DNAJC2: variants seen among roughly 807,000 people sequenced by gnomAD.
DNAJC2 encodes the protein dnaJ homolog subfamily C member 2.
Under a neutral mutation model 94.0 loss-of-function variants are expected in DNAJC2, and 32 were observed. The ratio of observed to expected loss-of-function variants is 0.34; its 90% CI spans 0.26 to 0.46. The LOEUF (loss-of-function observed/expected upper bound fraction) is 0.46. Among genes scored for constraint, DNAJC2 ranks in the 20% least tolerant of loss-of-function variants. The pLI is 1.00. For missense variants in DNAJC2, 550 were observed against 719.5 expected, an observed-to-expected ratio of 0.76 and a Z score of 2.69; for synonymous variants, 210 against 229.7, an observed-to-expected ratio of 0.91 and a Z score of 0.77.
chr7:103,341,613 A>G (rs1819376578), intron 2 of DNAJC2, 151 bp downstream of exon 2: 1 of 576,174 alleles, frequency 1.7e-6, no homozygotes, highest in African/African-American at 1.9e-5. Flanking sequence ...GGCTAGTGCT[A>G]ATGCTCTCAA....
At position 103,329,283 on chromosome 7, in the gene DNAJC2, A is replaced by G. The variant is rs557819611; in HGVS notation, c.332-1529T>C. 2.6e-4 allele frequency: 49 copies of G among 187,540 alleles called. 2 individuals carry two copies. In the South Asian group the frequency reaches 4.4e-3, roughly 17 times the overall value. The allele number at this position is 187,540 out of a possible 1,614,324, so 11.6% of individuals were successfully genotyped here. A position where few individuals can be genotyped will look rare whatever the true frequency, so the allele number is the denominator to read the frequency against. On this transcript the variant is annotated intron_variant, in intron 3 of 16. Coordinates refer to ENST00000379263, the MANE Select transcript of DNAJC2 (RefSeq NM_014377.3). ...AGTGCTATTGCTGTCTCCATTTCAT[A>G]GATGAGGAAAATGAGGCACAGAGGA...
chr7:103,319,779 A>G lies in DNAJC2; in HGVS notation c.1149T>C (p.Leu383=), dbSNP rs908137685. Residue 383 remains leucine (L), a synonymous_variant, in exon 11 of 17, where the codon CTT becomes CTC. Coordinates refer to ENST00000379263, the MANE Select transcript of DNAJC2 (RefSeq NM_014377.3). ...RVKMMEEVEK[L]CDRLELASLQ... is the part of the protein sequence containing the mutation. ...ACCTTGCCAGTTCAAGCCGATCACAAAGTTTTTCCACTTCTTCCATCATTT... is the reference window on the plus strand; with the variant it reads ...ACCTTGCCAGTTCAAGCCGATCACAGAGTTTTTCCACTTCTTCCATCATTT... 1.9e-6 allele frequency: 3 copies of G among 1,614,104 alleles called. No individual in the cohort carries two copies. Among genetic ancestry groups the G allele is most frequent in the Admixed American group, 3.3e-5 (2 of 60,006 alleles).
At chr7:103,331,744 A>G (rs1173900040) in intron 3 of DNAJC2, among the ~76,000 whole-genome samples, 6 of 152,038 alleles carry the variant, frequency 3.9e-5, no homozygotes, top group Non-Finnish European at 7.4e-5. Flanking sequence ...TTCTTTATCA[A>G]CTAGTCTGCT....
intron 3 of DNAJC2, chr7:103,329,089 AT>A (rs1257949212): frequency 1.6e-5 from 14 of 886,634 alleles, no homozygotes; most frequent in East Asian, 7.4e-5. Flanking sequence ...GTGGTCAACA[AT>A]TTTTTTGTTT....
Position 103,327,770 on chromosome 7 carries a change from G to A in DNAJC2, c.332-16C>T. 2 of 1,571,412 alleles carry A rather than the reference G, an allele frequency of 1.3e-6. No individual in the cohort carries two copies. Among genetic ancestry groups the A allele is most frequent in the Non-Finnish European group, 1.7e-6 (2 of 1,147,210 alleles). On this transcript the variant is annotated splice_polypyrimidine_tract_variant and intron_variant, in intron 3 of 16. Coordinates refer to ENST00000379263, the MANE Select transcript of DNAJC2 (RefSeq NM_014377.3). ...ATTGCTTTATCTACAAAACCAGTCA[G>A]ATTGAGATAATTTGTCACTTTAAGC...
At position 103,324,504 on chromosome 7, in the gene DNAJC2, C is replaced by T. The variant is rs2115907817; in HGVS notation, c.631G>A (p.Val211Ile). 1.3e-6 allele frequency: 2 copies of T among 1,496,366 alleles called. No homozygotes were observed. The highest frequency in any genetic ancestry group is 4.8e-5 in the East Asian group (2 of 41,572). The allele number at this position is 1,496,366 out of a possible 1,614,324, so 92.7% of individuals were successfully genotyped here. The change falls in exon 6 of 17, where the codon GTA (valine) becomes ATA (isoleucine). Residue 211 changes from valine (V) to isoleucine (I), a missense_variant. Transcript: ENST00000379263. ...LGDMNSSFED[V>I]DIFYSFWYNF... ...TACCAGAAAGAATAAAATATATCTA[C>T]ATCTTCAAATGATGAATTCATATCA...
intron 3 of DNAJC2, among the ~76,000 whole-genome samples, chr7:103,332,233 C>G (rs1819006310): frequency 6.6e-6 from 1 of 152,198 alleles, no homozygotes; most frequent in Admixed American, 6.5e-5. Flanking sequence ...TCTCGATCTC[C>G]TGACCTCATG....
intron 3 of DNAJC2, chr7:103,336,311 T>G (rs1338214154): frequency 6.6e-6 from 1 of 152,238 alleles, no homozygotes; most frequent in Non-Finnish European, 1.5e-5. Flanking sequence ...ATTAACAAAT[T>G]TATCTGTACT....
intron 3 of DNAJC2, among the ~76,000 whole-genome samples, chr7:103,333,272 C>G (rs796309952): frequency 1.6e-4 from 24 of 152,262 alleles, no homozygotes; most frequent in Admixed American, 5.9e-4. Flanking sequence ...TGAATTTCCA[C>G]CTTATCTTTT....
chr7:103,322,093 G>A lies in DNAJC2; in HGVS notation c.934-12C>T. 1 of 1,592,106 alleles carries A rather than the reference G, an allele frequency of 6.3e-7. No individual in the cohort carries two copies. Among genetic ancestry groups the A allele is most frequent in the Non-Finnish European group, 8.5e-7 (1 of 1,170,006 alleles). On this transcript the variant is annotated splice_polypyrimidine_tract_variant and intron_variant, in intron 9 of 16. Coordinates refer to ENST00000379263, the MANE Select transcript of DNAJC2 (RefSeq NM_014377.3). The stretch of plus-strand genomic sequence containing the variant: ...TCAGCTTGTCTTTGCTTTAAAAAAA[G>A]GGAGTAAAATCATTTTAATAGGTAC...
rs1368539947 is a variant in DNAJC2, at chr7:103,312,305, A to G, written c.*264T>C. 6.2e-7 allele frequency: 1 copy of G among 1,605,112 alleles called. No homozygotes were observed. Among genetic ancestry groups the G allele is most frequent in the Non-Finnish European group, 8.5e-7 (1 of 1,179,560 alleles). ...TAATCAAGATTGTTTGAACACATGTATTTATAAAACAGAGCTAGAGAAAAA... is the reference window on the plus strand; with the variant it reads ...TAATCAAGATTGTTTGAACACATGTGTTTATAAAACAGAGCTAGAGAAAAA... On this transcript the variant is annotated 3_prime_UTR_variant, in exon 17 of 17. Transcript: ENST00000379263.
In DNAJC2 at chr7:103,344,538, C is replaced by G. The variant is rs1252232726; in HGVS notation, c.64+21G>C. 4 of 1,613,538 alleles carry G rather than the reference C, an allele frequency of 2.5e-6. No individual in the cohort carries two copies. In the African/African-American group the frequency reaches 5.3e-5, roughly 22 times the overall value. On this transcript the variant is annotated intron_variant, in intron 1 of 16. Transcript: ENST00000379263. ...AGGGGCAGCTGAGGTGAGAAGGAAC[C>G]GAGGTTGGGTGGGCACTTACCAGAG...
At chr7:103,329,912 CTTATT>C (rs1353020507) in intron 3 of DNAJC2, among the ~76,000 whole-genome samples, 1 of 152,108 alleles carries the variant, frequency 6.6e-6, no homozygotes, top group Admixed American at 6.6e-5. Flanking sequence ...ATAGTTGTCT[CTTATT>C]TAATAACTTA....
chr7:103,338,091 T>C (rs1819243405), intron 2 of DNAJC2, among the ~76,000 whole-genome samples: 1 of 151,968 alleles, frequency 6.6e-6, no homozygotes, highest in East Asian at 1.9e-4. Flanking sequence ...CAAAGTAAGA[T>C]CTCTGTCTCT....
intron 12 of DNAJC2, among the ~76,000 whole-genome samples, chr7:103,318,639 G>A (rs1481452130): frequency 2.6e-5 from 4 of 152,128 alleles, no homozygotes; most frequent in Admixed American, 2.6e-4. Context: ...TAGGCATAGT[G>A]CTATATATAG....
At chr7:103,331,112 A>G (rs2115983713) in intron 3 of DNAJC2, among the ~76,000 whole-genome samples, 1 of 151,480 alleles carries the variant, frequency 6.6e-6, no homozygotes, top group African/African-American at 2.4e-5. Flanking sequence ...ACCTGCCACC[A>G]CGCTCAGCTA....
At chr7:103,319,706 C>T in intron 11 of DNAJC2, 28 bp from the exon 12 acceptor site, 1 of 1,613,920 alleles carries the variant, frequency 6.2e-7, no homozygotes, top group Non-Finnish European at 8.5e-7. Flanking sequence ...AGAAATGAAA[C>T]TTTATCCTAA....
At position 103,319,647 on chromosome 7, in the gene DNAJC2, A is replaced by G. The variant is rs1270726843; in HGVS notation, c.1204T>C (p.Cys402Arg). ...GCAGCCTTTCCTACTTCTTTTGTGCATGATGTGAGTGTTTCATTCAAGCAC... is the reference window on the plus strand; with the variant it reads ...GCAGCCTTTCCTACTTCTTTTGTGCGTGATGTGAGTGTTTCATTCAAGCAC... ...LQCLNETLTSCTKEVGKAALE... is the reference protein window; with the variant it reads ...LQCLNETLTSRTKEVGKAALE... The change falls in exon 12 of 17, where the codon TGC becomes CGC. Residue 402 changes from cysteine (C) to arginine (R), a missense_variant. Cys to Arg is a radical substitution (Grantham distance 180, BLOSUM62 -3). Transcript: ENST00000379263. The G allele has an allele frequency of 1.2e-6, 2 of 1,614,116 alleles. No homozygotes were observed. The highest frequency in any genetic ancestry group is 1.1e-5 in the South Asian group (1 of 91,078).
In DNAJC2 at chr7:103,334,835, AT is replaced by A. The variant is rs544290742; in HGVS notation, c.331+2900del. ...AGAAACAGTGACAAATATTTTTGGT[AT>A]TTTTTTGGGCATTTTTTGAGGCAGT... On this transcript the variant is annotated intron_variant, in intron 3 of 16. Coordinates refer to ENST00000379263, the MANE Select transcript of DNAJC2 (RefSeq NM_014377.3). 3.7e-3 allele frequency among the ~76,000 whole-genome samples: 570 copies of A among 152,092 alleles called. 4 individuals are homozygous for A. The highest frequency in any genetic ancestry group is 0.014 in the African/African-American group (561 of 41,500).
Sources: allele counts gnomAD v4.1 joint callset (sites outside exome capture counted in the v4.1 genomes callset), GRCh38; gene constraint gnomAD v4.1.1; transcripts MANE v1.5; gene names NCBI Gene and HGNC (gene_info 2026-07-23, HGNC 2026-07-21).